The following TBC1D22A variants were observed in gnomAD, a reference collection of about 807,000 sequenced individuals.
TBC1D22A encodes the protein putative GTPase activator.
Under a neutral mutation model 60.2 loss-of-function variants are expected in TBC1D22A, and 38 were observed. The observed-to-expected ratio is 0.63, with a 90% CI of 0.49 to 0.83. The LOEUF (loss-of-function observed/expected upper bound fraction) is 0.83. Ranked by LOEUF, TBC1D22A falls within the 40% of genes least tolerant of loss-of-function variation. The pLI, the probability that TBC1D22A is intolerant of heterozygous loss-of-function variation, is 0.00. For missense variants in TBC1D22A, 628 were observed against 701.0 expected, an observed-to-expected ratio of 0.90 and a Z score of 1.18; for synonymous variants, 302 against 281.7, an observed-to-expected ratio of 1.07 and a Z score of -0.72.
At chr22:46,874,238 T>G (rs2067429292) in intron 4 of TBC1D22A, among the ~76,000 whole-genome samples, 1 of 152,192 alleles carries the variant, frequency 6.6e-6, no homozygotes, top group Non-Finnish European at 1.5e-5. Flanking sequence ...AGTGCTGCAG[T>G]GAACATAGGT....
chr22:46,978,646 C>T (rs1428388808), intron 9 of TBC1D22A, among the ~76,000 whole-genome samples: 1 of 152,138 alleles, frequency 6.6e-6, no homozygotes, highest in African/African-American at 2.4e-5. Context: ...GAGATGAAGT[C>T]TCCTCCAGGC....
intron 4 of TBC1D22A, among the ~76,000 whole-genome samples, chr22:46,815,696 A>G (rs2085565695): frequency 6.6e-6 from 1 of 152,156 alleles, no homozygotes; most frequent in Admixed American, 6.5e-5. Flanking sequence ...ACAAAGATGT[A>G]TTTGTGAGTG....
chr22:46,986,657 G>T (rs958903265), intron 9 of TBC1D22A, among the ~76,000 whole-genome samples: 1 of 152,146 alleles, frequency 6.6e-6, no homozygotes, highest in Admixed American at 6.5e-5. Flanking sequence ...GCATAGCTTT[G>T]TTGGTATTTT....
intron 11 of TBC1D22A, among the ~76,000 whole-genome samples, chr22:47,090,451 C>T (rs954765801): frequency 4.6e-5 from 7 of 152,376 alleles, no homozygotes; most frequent in African/African-American, 1.2e-4. Flanking sequence ...CGAGTAACTT[C>T]GGGAAATCCC....
chr22:47,058,812 G>C (rs944807380), intron 11 of TBC1D22A, among the ~76,000 whole-genome samples: 19 of 152,050 alleles, frequency 1.2e-4, no homozygotes, highest in Non-Finnish European at 2.4e-4. Flanking sequence ...TGTGACTGTT[G>C]GTTGAATAAG....
intron 11 of TBC1D22A, among the ~76,000 whole-genome samples, chr22:47,065,835 C>T (rs987351001): frequency 1.2e-4 from 18 of 152,152 alleles, no homozygotes; most frequent in African/African-American, 3.9e-4. Context: ...TTCCTCAGTT[C>T]CCCCTGTGTC....
chr22:46,838,368 T>C (rs933321973), intron 4 of TBC1D22A, among the ~76,000 whole-genome samples: 1 of 152,034 alleles, frequency 6.6e-6, no homozygotes, highest in African/African-American at 2.4e-5. Context: ...TATGAAGAAA[T>C]AGAAAATTTG....
intron 12 of TBC1D22A, among the ~76,000 whole-genome samples, chr22:47,135,022 A>C (rs372643981): frequency 2.0e-4 from 30 of 152,204 alleles, no homozygotes; most frequent in African/African-American, 7.2e-4. Context: ...AGCCAGCCTC[A>C]TCGGGACCCC....
At position 46,806,341 on chromosome 22, in the gene TBC1D22A, AT is replaced by A. The variant is rs34490073; in HGVS notation, c.637+8738del. On this transcript the variant is annotated intron_variant, in intron 4 of 12. Coordinates refer to ENST00000337137, the MANE Select transcript of TBC1D22A (RefSeq NM_014346.5). The stretch of plus-strand genomic sequence containing the variant: ...TTAGAATGAACCCTCCTCTGTTCTG[AT>A]TTTTTTTTTTTTTTTTGCCCGGAAA... 6.2e-3 allele frequency among the ~76,000 whole-genome samples: 816 copies of A among 132,564 alleles called. 7 individuals are homozygous for A. The highest frequency in any genetic ancestry group is 0.016 in the African/African-American group (565 of 35,746). 87.0% of individuals were successfully genotyped at this position (132,564 alleles called of 152,430 possible).
chr22:46,792,413 C>T (rs1404246599), intron 1 of TBC1D22A, 107 bp from the exon 2 acceptor site: 1 of 1,486,944 alleles, frequency 6.7e-7, no homozygotes, highest in African/African-American at 1.4e-5. Context: ...GGAGCTGCTT[C>T]CTTCAGTCCT....
chr22:47,137,057 A>T (rs1167919359), intron 12 of TBC1D22A, among the ~76,000 whole-genome samples: 1 of 152,040 alleles, frequency 6.6e-6, no homozygotes, highest in Non-Finnish European at 1.5e-5. Flanking sequence ...AAATAAGATA[A>T]AAAGAAGAAA....
intron 4 of TBC1D22A, among the ~76,000 whole-genome samples, chr22:46,840,589 T>C (rs182336236): frequency 1.4e-4 from 22 of 152,130 alleles, no homozygotes; most frequent in Admixed American, 6.6e-4. Flanking sequence ...AAAAATTAGC[T>C]GGGCATGGTA....
intron 4 of TBC1D22A, among the ~76,000 whole-genome samples, chr22:46,828,971 C>G (rs2086190252): frequency 6.6e-6 from 1 of 152,172 alleles, no homozygotes; most frequent in African/African-American, 2.4e-5. Flanking sequence ...GCTAGAGGCA[C>G]TGATACAGTA....
intron 11 of TBC1D22A, among the ~76,000 whole-genome samples, chr22:47,090,008 A>G (rs903585747): frequency 6.6e-6 from 1 of 152,086 alleles, no homozygotes; most frequent in African/African-American, 2.4e-5. Context: ...TTGGCGTGGC[A>G]TTCGCTCACC....
chr22:47,075,228 AAAAAAAAAGAG>A, intron 11 of TBC1D22A, among the ~76,000 whole-genome samples: 1 of 148,392 alleles, frequency 6.7e-6, no homozygotes, highest in South Asian at 2.1e-4. Context: ...GTCTCAAAAA[AAAAAAAAAGAG>A]AACCAAAGTA....
chr22:46,993,880 CGAGCCAG>C (rs60993555), intron 9 of TBC1D22A, among the ~76,000 whole-genome samples: 11,537 of 152,146 alleles, frequency 0.076, 1,340 homozygotes, highest in African/African-American at 0.25. Flanking sequence ...GCTCACCTCC[CGAGCCAG>C]GAGCCAGGAG....
At chr22:47,022,751 A>G (rs1176494630) in intron 10 of TBC1D22A, among the ~76,000 whole-genome samples, 1 of 152,206 alleles carries the variant, frequency 6.6e-6, no homozygotes, top group Non-Finnish European at 1.5e-5. Context: ...GGAAAACTTT[A>G]GAAGTCCCCG....
At chr22:47,127,977 C>T (rs2066529002) in intron 12 of TBC1D22A, among the ~76,000 whole-genome samples, 1 of 91,404 alleles carries the variant, frequency 1.1e-5, no homozygotes, top group Non-Finnish European at 2.4e-5. Context: ...CTCCACCCCA[C>T]CCATCCCCCC....
chr22:46,775,653 A>C (rs746310334), intron 1 of TBC1D22A, among the ~76,000 whole-genome samples: 5 of 152,160 alleles, frequency 3.3e-5, no homozygotes, highest in African/African-American at 4.8e-5. Flanking sequence ...ATAGTGAGTT[A>C]GTTTTGTGTT....
Sources: gnomAD v4.1 joint callset for allele counts (sites outside exome capture counted in the v4.1 genomes callset) on GRCh38, gnomAD v4.1.1 for gene constraint, MANE v1.5 for transcripts, NCBI Gene and HGNC (gene_info 2026-07-23, HGNC 2026-07-21) for gene names.